Variants in DLGAP3 observed in about 807,000 individuals in gnomAD.
The protein encoded by DLGAP3 is disks large-associated protein 3.
A neutral mutation model predicts 81.2 loss-of-function variants in DLGAP3; 17 were observed. That is an observed-to-expected ratio of 0.21 (90% CI 0.14 to 0.31). DLGAP3 has a LOEUF of 0.31. Ranked by LOEUF, DLGAP3 falls within the 10% of genes least tolerant of loss-of-function variation. DLGAP3 has a pLI of 1.00. For missense variants in DLGAP3, 1,124 were observed against 1,388.0 expected (o/e 0.81, Z 3.02); for synonymous variants, 577 against 587.4 (o/e 0.98, Z 0.26).
chr1:34,900,391 T>A lies in DLGAP3; in HGVS notation c.1108-118A>T. 1 of 1,058,126 alleles carries A rather than the reference T, an allele frequency of 9.5e-7. No homozygotes were observed. The highest frequency in any genetic ancestry group is 1.4e-6 in the Non-Finnish European group (1 of 692,672). The allele number at this position is 1,058,126 out of a possible 1,614,324, so 65.5% of individuals were successfully genotyped here. On this transcript the variant is annotated intron_variant, in intron 3 of 11. Transcript: ENST00000373347. The surrounding 1 kb of genome is among the most constrained non-coding windows in gnomAD (Gnocchi z 5.6). Reference sequence around the variant, plus strand: ...CCTGGCTTGAACAGGCACACTCAGGTACATGCAGAGGCAGAAGGGGAGGTA... The same window carrying A: ...CCTGGCTTGAACAGGCACACTCAGGAACATGCAGAGGCAGAAGGGGAGGTA...
chr1:34,911,456 A>ATGATAGTGC, intron 1 of DLGAP3, among the ~76,000 whole-genome samples: 1 of 152,120 alleles, frequency 6.6e-6, no homozygotes, highest in Non-Finnish European at 1.5e-5. Context: ...TATTGCACCA[A>ATGATAGTGC]ATCATCCATC....
In DLGAP3 at chr1:34,865,933, C is replaced by T; in HGVS notation, c.*150G>A. On this transcript the variant is annotated 3_prime_UTR_variant, in exon 12 of 12. Coordinates refer to ENST00000373347, the MANE Select transcript of DLGAP3 (RefSeq NM_001080418.3). ...CGTGGGATCAGGAAGGTAAAAAACC[C>T]ACGAGAGTGTGACGGGCCCGGGGGC... 1 of 749,902 alleles carries T rather than the reference C, an allele frequency of 1.3e-6. No individual in the cohort carries two copies. Among genetic ancestry groups the T allele is most frequent in the South Asian group, 1.6e-5 (1 of 64,250 alleles). The allele number at this position is 749,902 out of a possible 1,614,324, so 46.5% of individuals were successfully genotyped here.
chr1:34,871,259 C>T (rs1282798931), intron 8 of DLGAP3, among the ~76,000 whole-genome samples: 1 of 152,212 alleles, frequency 6.6e-6, no homozygotes, highest in East Asian at 1.9e-4. Flanking sequence ...CTCATCTCCC[C>T]CACATTCTCC....
At chr1:34,923,136 A>G (rs781502969) in intron 1 of DLGAP3, among the ~76,000 whole-genome samples, 26 of 152,208 alleles carry the variant, frequency 1.7e-4, no homozygotes, top group Non-Finnish European at 3.5e-4. Flanking sequence ...AAGAAAAGAA[A>G]GAGAAAATAT....
intron 8 of DLGAP3, 57 bp from the exon 9 acceptor site, chr1:34,869,146 C>CAAAAAA: frequency 7.6e-7 from 1 of 1,320,808 alleles, no homozygotes; most frequent in African/African-American, 1.5e-5. Context: ...AGCTCTCACC[C>CAAAAAA]CCACCCCAAG....
At chr1:34,885,121 G>A in intron 7 of DLGAP3, 58 bp from the exon 8 acceptor site, 16 of 1,490,790 alleles carry the variant, frequency 1.1e-5, no homozygotes, top group Non-Finnish European at 1.5e-5. Flanking sequence ...AGCCCTTCCC[G>A]GGGAGAACGG....
intron 5 of DLGAP3, among the ~76,000 whole-genome samples, chr1:34,888,983 C>A (rs973281408): frequency 6.6e-6 from 1 of 152,206 alleles, no homozygotes; most frequent in Non-Finnish European, 1.5e-5. Context: ...CGAGTCCAGA[C>A]ACCAGGGATG....
At chr1:34,920,082 T>C (rs1639774644) in intron 1 of DLGAP3, among the ~76,000 whole-genome samples, 1 of 152,190 alleles carries the variant, frequency 6.6e-6, no homozygotes, top group Non-Finnish European at 1.5e-5. Context: ...TCAGGAAGTC[T>C]GGGCCATGCC....
chr1:34,917,982 C>G (rs989342820), intron 1 of DLGAP3, among the ~76,000 whole-genome samples: 6 of 152,190 alleles, frequency 3.9e-5, no homozygotes, highest in South Asian at 2.1e-4. Context: ...TAATCACCCC[C>G]CAAGCCAGCC....
rs1457797227 is a variant in DLGAP3, at chr1:34,865,624, A to G, written c.*459T>C. On this transcript the variant is annotated 3_prime_UTR_variant, in exon 12 of 12. Coordinates refer to ENST00000373347, the MANE Select transcript of DLGAP3 (RefSeq NM_001080418.3). ...CCAGTGGGCAGAGGGCTGAGGATGGAGCCCCTGGGAGGGTGGGGCGGGCTC... is the reference window on the plus strand; with the variant it reads ...CCAGTGGGCAGAGGGCTGAGGATGGGGCCCCTGGGAGGGTGGGGCGGGCTC... 3.9e-6 allele frequency: 1 copy of G among 259,226 alleles called. No individual in the cohort carries two copies. Among genetic ancestry groups the G allele is most frequent in the South Asian group, 3.4e-5 (1 of 29,802 alleles). The allele number at this position is 259,226 out of a possible 1,614,324, so 16.1% of individuals were successfully genotyped here.
chr1:34,872,335 G>T (rs1249894578), intron 8 of DLGAP3, among the ~76,000 whole-genome samples: 1 of 152,226 alleles, frequency 6.6e-6, no homozygotes, highest in African/African-American at 2.4e-5. Context: ...TGTGGGGGCA[G>T]ATGCAGACTG....
chr1:34,866,962 C>T (rs893161784), intron 11 of DLGAP3, 86 bp downstream of exon 11: 10 of 1,495,042 alleles, frequency 6.7e-6, no homozygotes, highest in African/African-American at 4.1e-5. Context: ...CTTCCCCTGC[C>T]CCCTTGTTCG....
At chr1:34,901,705 G>T (rs1167862189) in intron 3 of DLGAP3, among the ~76,000 whole-genome samples, 1 of 152,204 alleles carries the variant, frequency 6.6e-6, no homozygotes, top group Non-Finnish European at 1.5e-5. Flanking sequence ...GAGATCATCT[G>T]TGGCCACTGC....
At chr1:34,883,662 A>T (rs1299282662) in intron 8 of DLGAP3, among the ~76,000 whole-genome samples, 1 of 150,704 alleles carries the variant, frequency 6.6e-6, no homozygotes, top group African/African-American at 2.5e-5. Flanking sequence ...CAGGTTTAGA[A>T]GTCATGCAGG....
At chr1:34,901,962 A>G (rs1308836490) in intron 3 of DLGAP3, among the ~76,000 whole-genome samples, 2 of 152,208 alleles carry the variant, frequency 1.3e-5, no homozygotes, top group Non-Finnish European at 2.9e-5. Flanking sequence ...GGAGGGGGTC[A>G]TGATGAGATG....
At chr1:34,928,954 G>A (rs1440909095) in intron 1 of DLGAP3, among the ~76,000 whole-genome samples, 2 of 151,318 alleles carry the variant, frequency 1.3e-5, no homozygotes, top group African/African-American at 2.4e-5. Flanking sequence ...CTCGCCCACA[G>A]TGACACACGC....
intron 1 of DLGAP3, among the ~76,000 whole-genome samples, chr1:34,914,730 G>C (rs1208402187): frequency 6.6e-6 from 1 of 152,214 alleles, no homozygotes. Context: ...TGCTAACTAG[G>C]GAGAAACTAC....
chr1:34,897,518 G>C (rs1639397132), intron 5 of DLGAP3, among the ~76,000 whole-genome samples: 1 of 152,212 alleles, frequency 6.6e-6, no homozygotes, highest in Admixed American at 6.5e-5. Flanking sequence ...GGAGGGAGGG[G>C]AACAGCCTTA....
intron 1 of DLGAP3, among the ~76,000 whole-genome samples, chr1:34,914,765 G>A (rs1639690651): frequency 6.6e-6 from 1 of 152,240 alleles, no homozygotes; most frequent in Non-Finnish European, 1.5e-5. Context: ...CTTGGAGACA[G>A]GGAGAGGATC....
Sources: gnomAD v4.1 joint callset for allele counts (sites outside exome capture counted in the v4.1 genomes callset) on GRCh38, gnomAD v4.1.1 for gene constraint, Gnocchi (gnomAD v3.1) non-coding constraint, MANE v1.5 for transcripts, NCBI Gene and HGNC (gene_info 2026-07-23, HGNC 2026-07-21) for gene names.